The following INSL6 variants were observed in gnomAD, a reference collection of about 807,000 sequenced individuals.
INSL6 encodes insulin like 6.
INSL6 carries 16 observed loss-of-function variants against 9.4 expected under a neutral mutation model. The ratio of observed to expected loss-of-function variants is 1.70; its 90% CI spans 1.15 to 2.59. INSL6 has a LOEUF of 2.59. INSL6 is among the 30% of genes most tolerant of loss of function. The probability of loss-of-function intolerance (pLI) is 0.00; values close to 1 mark genes in which losing one functional copy is unlikely to be tolerated. For missense variants in INSL6, 391 were observed against 257.3 expected (o/e 1.52, Z -3.56); for synonymous variants, 154 against 96.9 (o/e 1.59, Z -3.46).
At chr9:5,172,418 A>C (rs1386010213) in intron 1 of INSL6, among the ~76,000 whole-genome samples, 1 of 152,230 alleles carries the variant, frequency 6.6e-6, no homozygotes, top group Non-Finnish European at 1.5e-5. Flanking sequence ...TTCAGGACAA[A>C]ATCACCAAAA....
At chr9:5,052,479 AAG>A in the INSL6 span, among the ~76,000 whole-genome samples, 4 of 152,068 alleles carry the variant, frequency 2.6e-5, no homozygotes, top group East Asian at 3.8e-4. Flanking sequence ...GATATTTTAA[AAG>A]AGTTTATTGA....
At chr9:5,159,802 T>C (rs1824886879), downstream of INSL6, among the ~76,000 whole-genome samples, 1 of 152,134 alleles carries the variant, frequency 6.6e-6, no homozygotes, top group South Asian at 2.1e-4. Flanking sequence ...ACAGACCTAA[T>C]AGGTATTTAC....
intron 2 of INSL6, among the ~76,000 whole-genome samples, chr9:5,137,592 G>T (rs1824410066): frequency 1.3e-5 from 2 of 152,076 alleles, no homozygotes; most frequent in African/African-American, 4.8e-5. Context: ...ATTAACTCAA[G>T]ATGGATTAAA....
At chr9:5,111,184 A>T in the INSL6 span, 1 of 693,890 alleles carries the variant, frequency 1.4e-6, no homozygotes. Flanking sequence ...CTCTCCATTC[A>T]CATTCCTGGG....
In INSL6 at chr9:5,142,252, T is replaced by C. The variant is rs112462978; in HGVS notation, c.377-8660A>G. ...AAGTTTTTGCTAATTCTGTGAAAAATGTCAATGGTAGCTTAACAGGTATAA... is the reference window on the plus strand; with the variant it reads ...AAGTTTTTGCTAATTCTGTGAAAAACGTCAATGGTAGCTTAACAGGTATAA... On this transcript the variant is annotated intron_variant, in intron 2 of 3. Transcript: ENST00000649639. Among the ~76,000 whole-genome samples, 1,405 of 152,286 alleles carry C rather than the reference T, an allele frequency of 9.2e-3. 20 individuals carry two copies. The highest frequency in any genetic ancestry group is 0.031 in the African/African-American group (1,271 of 41,564).
chr9:5,127,296 A>G (rs1824064690), intron 3 of INSL6: 1 of 232,212 alleles, frequency 4.3e-6, no homozygotes, highest in Admixed American at 5.6e-5. Context: ...TATACAAACA[A>G]ATTAAGATGT....
the INSL6 span, among the ~76,000 whole-genome samples, chr9:5,018,686 T>A: frequency 5.9e-5 from 9 of 152,206 alleles, no homozygotes; most frequent in African/African-American, 2.2e-4. Context: ...CAAGCATTTC[T>A]TGTAGGTCTG....
chr9:5,030,570 T>C, the INSL6 span, among the ~76,000 whole-genome samples: 282 of 152,252 alleles, frequency 1.9e-3, 4 homozygotes, highest in Admixed American at 0.017. Context: ...AGAAGTAATA[T>C]TACTCAAATT....
chr9:5,093,727 C>T, the INSL6 span, among the ~76,000 whole-genome samples: 1 of 152,074 alleles, frequency 6.6e-6, no homozygotes, highest in Non-Finnish European at 1.5e-5. Context: ...GAACAAGTTA[C>T]CCTAGGGATA....
chr9:5,093,785 G>A, the INSL6 span, among the ~76,000 whole-genome samples: 7 of 152,118 alleles, frequency 4.6e-5, no homozygotes, highest in African/African-American at 1.2e-4. Flanking sequence ...TTACGACCTC[G>A]ATGTTGGATC....
downstream of INSL6, chr9:5,123,181 T>G: frequency 8.4e-7 from 1 of 1,185,866 alleles, no homozygotes; most frequent in Non-Finnish European, 1.2e-6. Context: ...TTTATAAATT[T>G]ATGGGGTACA....
chr9:5,169,072 A>T (rs764313915), intron 1 of INSL6, among the ~76,000 whole-genome samples: 24 of 152,076 alleles, frequency 1.6e-4, no homozygotes, highest in Non-Finnish European at 3.2e-4. Flanking sequence ...GATTAGAGGC[A>T]TGCGCCACCA....
the INSL6 span, chr9:5,112,398 G>T: frequency 2.2e-6 from 1 of 450,456 alleles, no homozygotes; most frequent in Non-Finnish European, 4.1e-6. Context: ...CAAGCGGGAG[G>T]AGGAGGATGA....
chr9:5,008,684 T>A, the INSL6 span, among the ~76,000 whole-genome samples: 1 of 152,194 alleles, frequency 6.6e-6, no homozygotes, highest in African/African-American at 2.4e-5. Context: ...GGTGTTTGGA[T>A]CCTTTGCTTT....
chr9:5,011,558 T>G, the INSL6 span, among the ~76,000 whole-genome samples: 2 of 152,222 alleles, frequency 1.3e-5, no homozygotes, highest in Non-Finnish European at 2.9e-5. Flanking sequence ...AATTTTTTAC[T>G]GTAAATTCTA....
the INSL6 span, among the ~76,000 whole-genome samples, chr9:5,093,734 GA>G: frequency 6.6e-6 from 1 of 152,106 alleles, no homozygotes; most frequent in Non-Finnish European, 1.5e-5. Context: ...TTACCCTAGG[GA>G]TAACAGTGCA....
chr9:5,041,142 G>A, the INSL6 span: 450 of 1,065,444 alleles, frequency 4.2e-4, 2 homozygotes, highest in East Asian at 5.5e-3. Context: ...ATCGCCATCC[G>A]GCTGATCACG....
At chr9:4,992,611 A>G in the INSL6 span, among the ~76,000 whole-genome samples, 1 of 152,194 alleles carries the variant, frequency 6.6e-6, no homozygotes, top group Non-Finnish European at 1.5e-5. Context: ...CCATCATGAC[A>G]GTAACTCAGA....
the INSL6 span, among the ~76,000 whole-genome samples, chr9:5,102,611 T>A: frequency 6.6e-6 from 1 of 151,846 alleles, no homozygotes; most frequent in Non-Finnish European, 1.5e-5. Flanking sequence ...AAGGTTGAAA[T>A]GAAGGAAAAA....
Sources: allele counts gnomAD v4.1 joint callset (sites outside exome capture counted in the v4.1 genomes callset), GRCh38; gene constraint gnomAD v4.1.1; transcripts MANE v1.5; gene names NCBI Gene and HGNC (gene_info 2026-07-23, HGNC 2026-07-21).